The following PTPN13 variants were observed in gnomAD, a reference collection of about 807,000 sequenced individuals.
PTPN13 encodes protein tyrosine phosphatase non-receptor type 13.
Under a neutral mutation model 284.0 loss-of-function variants are expected in PTPN13, and 191 were observed. That is an observed-to-expected ratio of 0.67 (90% CI 0.60 to 0.76). PTPN13 has a LOEUF of 0.76. PTPN13 is among the 30% of genes least tolerant of loss of function. The pLI is 0.00. For missense variants in PTPN13, 2,797 were observed against 2,939.9 expected, an observed-to-expected ratio of 0.95 and a Z score of 1.12; for synonymous variants, 986 against 1,022.3, an observed-to-expected ratio of 0.96 and a Z score of 0.68.
intron 2 of PTPN13, 59 bp downstream of exon 2, chr4:86,635,430 A>G: frequency 3.2e-6 from 5 of 1,544,992 alleles, no homozygotes; most frequent in East Asian, 4.9e-5. Context: ...TACTTAAAAA[A>G]CAGATACAGG....
intron 6 of PTPN13, among the ~76,000 whole-genome samples, chr4:86,695,765 A>G (rs1730532049): frequency 6.6e-6 from 1 of 151,346 alleles, no homozygotes; most frequent in South Asian, 2.1e-4. Context: ...ATCATTTCCT[A>G]CTACCATTAA....
chr4:86,800,675 A>G (rs13128348), intron 42 of PTPN13, among the ~76,000 whole-genome samples: 1 of 137,162 alleles, frequency 7.3e-6, no homozygotes, highest in Non-Finnish European at 1.6e-5. Flanking sequence ...GAGAGAGAGA[A>G]AGAGAGAGAA....
At chr4:86,694,573 C>G (rs1455479856) in intron 6 of PTPN13, among the ~76,000 whole-genome samples, 3 of 94,644 alleles carry the variant, frequency 3.2e-5, no homozygotes, top group South Asian at 6.7e-4. Context: ...GAGTGAACTT[C>G]TGTCTCAAAA....
intron 3 of PTPN13, among the ~76,000 whole-genome samples, chr4:86,679,799 T>C (rs1668578393): frequency 1.3e-5 from 2 of 152,190 alleles, no homozygotes; most frequent in Admixed American, 1.3e-4. Context: ...GCCTGTCTCT[T>C]GTGGTCAGTG....
At chr4:86,797,134 A>AG (rs2149354453) in intron 41 of PTPN13, among the ~76,000 whole-genome samples, 1 of 152,212 alleles carries the variant, frequency 6.6e-6, no homozygotes, top group East Asian at 1.9e-4. Flanking sequence ...TGGGGCGGGC[A>AG]GATCACTTGA....
intron 2 of PTPN13, among the ~76,000 whole-genome samples, chr4:86,664,407 G>A (rs959998486): frequency 6.6e-6 from 1 of 152,136 alleles, no homozygotes; most frequent in East Asian, 1.9e-4. Flanking sequence ...AAATTTTTGT[G>A]TGTGTGTGGT....
intron 15 of PTPN13, among the ~76,000 whole-genome samples, chr4:86,736,256 T>C (rs1735490731): frequency 6.6e-6 from 1 of 152,162 alleles, no homozygotes; most frequent in Non-Finnish European, 1.5e-5. Context: ...AGTTCTACAG[T>C]CTATTAGACC....
intron 6 of PTPN13, among the ~76,000 whole-genome samples, chr4:86,695,818 C>A (rs762553081): frequency 2.0e-5 from 3 of 151,906 alleles, no homozygotes; most frequent in Non-Finnish European, 2.9e-5. Flanking sequence ...TTATGTGTTA[C>A]TTCTTGATTT....
intron 2 of PTPN13, among the ~76,000 whole-genome samples, chr4:86,649,085 CTCT>C (rs1448181466): frequency 6.6e-6 from 1 of 151,694 alleles, no homozygotes; most frequent in Non-Finnish European, 1.5e-5. Flanking sequence ...TGTTTTTTTC[CTCT>C]TAAGTTGTTT....
intron 6 of PTPN13, among the ~76,000 whole-genome samples, chr4:86,694,579 C>CAAAAAAAAA (rs1000226646): frequency 3.1e-5 from 1 of 32,358 alleles, no homozygotes; most frequent in Non-Finnish European, 6.4e-5. Flanking sequence ...ACTTCTGTCT[C>CAAAAAAAAA]AAAAAAAAAA....
chr4:86,661,703 C>T, intron 2 of PTPN13, among the ~76,000 whole-genome samples: 1 of 152,172 alleles, frequency 6.6e-6, no homozygotes, highest in East Asian at 1.9e-4. Flanking sequence ...TTCCGCTCTG[C>T]AAAGATATAT....
chr4:86,699,128 C>T (rs1730868949), intron 6 of PTPN13, among the ~76,000 whole-genome samples: 1 of 152,110 alleles, frequency 6.6e-6, no homozygotes, highest in Non-Finnish European at 1.5e-5. Flanking sequence ...TGGCTCACAC[C>T]TGTAATCCCA....
chr4:86,637,708 C>T (rs1379426792), intron 2 of PTPN13, among the ~76,000 whole-genome samples: 1 of 145,846 alleles, frequency 6.9e-6, no homozygotes, highest in Non-Finnish European at 1.5e-5. Context: ...CTATGACAAA[C>T]CCACAGCCAA....
chr4:86,791,545 T>G (rs1291793325), intron 40 of PTPN13, among the ~76,000 whole-genome samples: 1 of 152,188 alleles, frequency 6.6e-6, no homozygotes, highest in East Asian at 1.9e-4. Flanking sequence ...ACAGACTGCC[T>G]CCTCAAGTGG....
At chr4:86,730,688 G>A (rs989758933) in intron 10 of PTPN13, among the ~76,000 whole-genome samples, 7 of 149,380 alleles carry the variant, frequency 4.7e-5, no homozygotes, top group African/African-American at 1.5e-4. Flanking sequence ...GGAGTGTTCC[G>A]TTTTTCCAGG....
intron 34 of PTPN13, 26 bp downstream of exon 34, chr4:86,775,368 A>C (rs1281094194): frequency 6.2e-7 from 1 of 1,606,444 alleles, no homozygotes; most frequent in East Asian, 2.2e-5. Context: ...ACTTTGTACA[A>C]TATGATTTTC....
At chr4:86,660,757 G>C (rs374288586) in intron 2 of PTPN13, among the ~76,000 whole-genome samples, 1 of 152,042 alleles carries the variant, frequency 6.6e-6, no homozygotes, top group African/African-American at 2.4e-5. Context: ...TATTTGATAA[G>C]TATATGACAC....
chr4:86,790,925 C>G (rs183603609), intron 40 of PTPN13, among the ~76,000 whole-genome samples: 9 of 152,130 alleles, frequency 5.9e-5, no homozygotes, highest in Non-Finnish European at 1.2e-4. Flanking sequence ...CCAACGAAAT[C>G]GACGCAGAAG....
At chr4:86,672,325 CT>C (rs549820891) in intron 2 of PTPN13, 39 bp from the exon 3 acceptor site, 264 of 1,446,514 alleles carry the variant, frequency 1.8e-4, no homozygotes, top group Middle Eastern at 8.9e-4. Context: ...CAATTTTCTT[CT>C]TTTTTTTTAT....
Sources: allele counts gnomAD v4.1 joint callset (sites outside exome capture counted in the v4.1 genomes callset), GRCh38; gene constraint gnomAD v4.1.1; transcripts MANE v1.5; gene names NCBI Gene and HGNC (gene_info 2026-07-23, HGNC 2026-07-21).